FARS2: variants seen among roughly 807,000 people sequenced by gnomAD.
FARS2 encodes phenylalanyl-tRNA synthetase 2, mitochondrial.
Under a neutral mutation model 46.4 loss-of-function variants are expected in FARS2, and 40 were observed. The observed-to-expected ratio is 0.86, with a 90% CI of 0.67 to 1.12. The LOEUF is 1.12. Among genes scored for constraint, FARS2 ranks in the 50% most tolerant of loss-of-function variants. The pLI, the probability that FARS2 is intolerant of heterozygous loss-of-function variation, is 0.00. For synonymous variants in FARS2, 234 were observed against 214.9 expected (o/e 1.09, Z -0.78); for missense variants, 513 against 567.9 (o/e 0.90, Z 0.98).
In FARS2 at chr6:5,721,487, C is replaced by A. The variant is rs1423668393; in HGVS notation, c.1218-49804C>A. 2.0e-5 allele frequency among the ~76,000 whole-genome samples: 3 copies of A among 151,154 alleles called. No homozygotes were observed. The Admixed American group carries it at 2.0e-4, about 10-fold the overall frequency. On this transcript the variant is annotated intron_variant, in intron 6 of 6. Coordinates refer to ENST00000274680, the MANE Select transcript of FARS2 (RefSeq NM_006567.5). Reference sequence around the variant, plus strand: ...AATTTTTCACTTGTTACATTGAAATCGATTAGTCTATCTTGCAATTTTGAA... The same window carrying A: ...AATTTTTCACTTGTTACATTGAAATAGATTAGTCTATCTTGCAATTTTGAA...
chr6:5,250,436 T>C, the FARS2 span, among the ~76,000 whole-genome samples: 1 of 152,204 alleles, frequency 6.6e-6, no homozygotes, highest in South Asian at 2.1e-4. Flanking sequence ...CTAAATATCT[T>C]AAATATTTTC....
At chr6:5,335,955 A>G (rs1486238703) in intron 1 of FARS2, among the ~76,000 whole-genome samples, 3 of 152,146 alleles carry the variant, frequency 2.0e-5, no homozygotes, top group African/African-American at 7.2e-5. Flanking sequence ...AGAGGGGAAG[A>G]GAGAGGAATA....
intron 2 of FARS2, among the ~76,000 whole-genome samples, chr6:5,401,504 A>T (rs1761251916): frequency 6.6e-6 from 1 of 152,168 alleles, no homozygotes; most frequent in Non-Finnish European, 1.5e-5. Context: ...ATTGGATATT[A>T]GTCTTTCAAT....
At chr6:5,421,274 A>G (rs550852467) in intron 3 of FARS2, among the ~76,000 whole-genome samples, 1 of 152,318 alleles carries the variant, frequency 6.6e-6, no homozygotes, top group African/African-American at 2.4e-5. Flanking sequence ...ACTGGGACAC[A>G]GGGCACCAAG....
chr6:5,314,300 C>G (rs148015107), intron 1 of FARS2, among the ~76,000 whole-genome samples: 1 of 152,110 alleles, frequency 6.6e-6, no homozygotes, highest in Non-Finnish European at 1.5e-5. Context: ...GTGGGTTCAG[C>G]AGAACCGTTT....
At chr6:5,719,060 C>G (rs1287395396) in intron 6 of FARS2, among the ~76,000 whole-genome samples, 1 of 152,138 alleles carries the variant, frequency 6.6e-6, no homozygotes, top group African/African-American at 2.4e-5. Context: ...CACTCCCTCT[C>G]CTACGGATTT....
intron 3 of FARS2, among the ~76,000 whole-genome samples, chr6:5,429,824 C>CA (rs1428459000): frequency 2.0e-5 from 3 of 151,682 alleles, no homozygotes; most frequent in Admixed American, 6.6e-5. Flanking sequence ...CAACACAAAA[C>CA]AAAAAAACAA....
intron 2 of FARS2, among the ~76,000 whole-genome samples, chr6:5,385,427 CT>C (rs5873979): frequency 0.5 from 70,805 of 142,548 alleles, 18,163 homozygotes; most frequent in African/African-American, 0.67. Context: ...TTTTTCTTTT[CT>C]TTTTTTTTTT....
chr6:5,518,339 CTATG>C (rs143761022), intron 4 of FARS2, among the ~76,000 whole-genome samples: 2,506 of 152,184 alleles, frequency 0.016, 50 homozygotes, highest in African/African-American at 0.057. Flanking sequence ...GAGAAGTAGA[CTATG>C]TATTGGGAAG....
At chr6:5,366,400 T>C (rs1408516180) in intron 1 of FARS2, among the ~76,000 whole-genome samples, 1 of 152,186 alleles carries the variant, frequency 6.6e-6, no homozygotes, top group African/African-American at 2.4e-5. Flanking sequence ...GGAAAGGAAG[T>C]CACTTCTCAG....
At chr6:5,563,111 G>A (rs1772109182) in intron 5 of FARS2, among the ~76,000 whole-genome samples, 1 of 152,140 alleles carries the variant, frequency 6.6e-6, no homozygotes, top group African/African-American at 2.4e-5. Context: ...AGCCAAAAGA[G>A]GAGGTCCCCA....
intron 6 of FARS2, among the ~76,000 whole-genome samples, chr6:5,676,203 C>A (rs1778757937): frequency 1.3e-5 from 2 of 152,178 alleles, no homozygotes; most frequent in African/African-American, 4.8e-5. Context: ...CAGCTCCAGT[C>A]CTAAAGGAAA....
At chr6:5,752,457 G>A (rs1247988080) in intron 6 of FARS2, among the ~76,000 whole-genome samples, 9 of 152,156 alleles carry the variant, frequency 5.9e-5, no homozygotes, top group African/African-American at 9.7e-5. Context: ...GCAACTTGCC[G>A]AATCCAATTA....
intron 1 of FARS2, among the ~76,000 whole-genome samples, chr6:5,352,744 CT>C (rs1319603518): frequency 2.0e-5 from 3 of 151,726 alleles, no homozygotes; most frequent in Non-Finnish European, 2.9e-5. Flanking sequence ...TCCCTTCCTC[CT>C]TCCCTTCCTC....
chr6:5,299,483 G>C (rs1030314501), intron 1 of FARS2, among the ~76,000 whole-genome samples: 3 of 152,126 alleles, frequency 2.0e-5, no homozygotes, highest in African/African-American at 4.8e-5. Flanking sequence ...AACAGCAATG[G>C]CTGTCTTGGA....
intron 4 of FARS2, among the ~76,000 whole-genome samples, chr6:5,467,896 A>G (rs1209433299): frequency 6.6e-6 from 1 of 152,222 alleles, no homozygotes; most frequent in Admixed American, 6.5e-5. Flanking sequence ...GGAATGATGA[A>G]CTATGTTTCA....
chr6:5,502,924 C>T (rs1422480618), intron 4 of FARS2, among the ~76,000 whole-genome samples: 2 of 151,800 alleles, frequency 1.3e-5, no homozygotes, highest in Admixed American at 6.6e-5. Flanking sequence ...CCATGTGATT[C>T]ATGGGATAAG....
intron 4 of FARS2, among the ~76,000 whole-genome samples, chr6:5,446,221 A>AT (rs1195043583): frequency 9.3e-5 from 14 of 151,228 alleles, no homozygotes; most frequent in South Asian, 2.1e-4. Flanking sequence ...AAAAAAAGAA[A>AT]ATTTTTTTTA....
intron 3 of FARS2, among the ~76,000 whole-genome samples, chr6:5,415,203 G>C (rs950657093): frequency 6.6e-6 from 1 of 151,568 alleles, no homozygotes; most frequent in African/African-American, 2.4e-5. Flanking sequence ...AGTGGAAGTT[G>C]CTCCTCATTT....
Sources: allele counts gnomAD v4.1 joint callset (sites outside exome capture counted in the v4.1 genomes callset), GRCh38; gene constraint gnomAD v4.1.1; transcripts MANE v1.5; gene names NCBI Gene and HGNC (gene_info 2026-07-23, HGNC 2026-07-21).